The following EFHD1 variants were observed in gnomAD, a reference collection of about 807,000 sequenced individuals.
EFHD1 encodes EF-hand domain-containing protein D1.
In EFHD1, 10 loss-of-function variants were observed where a neutral mutation model predicts 17.2. The observed-to-expected ratio is 0.58, with a 90% CI of 0.36 to 0.99. EFHD1 has a LOEUF of 0.99. Ranked by LOEUF, EFHD1 falls within the 50% of genes least tolerant of loss-of-function variation. EFHD1 has a pLI of 0.01. For synonymous variants in EFHD1, 153 were observed against 142.0 expected, an observed-to-expected ratio of 1.08 and a Z score of -0.55; for missense variants, 310 against 327.5, an observed-to-expected ratio of 0.95 and a Z score of 0.41.
chr2:232,674,945 C>T (rs564374151), intron 3 of EFHD1, among the ~76,000 whole-genome samples: 3 of 151,960 alleles, frequency 2.0e-5, no homozygotes, highest in African/African-American at 4.8e-5. Flanking sequence ...GTGACATGGC[C>T]GGAGGTGAAA....
At chr2:232,649,316 A>C (rs982037107) in intron 1 of EFHD1, among the ~76,000 whole-genome samples, 1 of 152,164 alleles carries the variant, frequency 6.6e-6, no homozygotes. Context: ...AGCGGCCCAC[A>C]CAGTCACGCC....
intron 1 of EFHD1, among the ~76,000 whole-genome samples, chr2:232,627,014 G>C (rs201382155): frequency 8.6e-5 from 6 of 69,784 alleles, no homozygotes; most frequent in African/African-American, 1.0e-4. Context: ...GTGAGATCCT[G>C]TCTCTCTCTC....
chr2:232,606,238 TTTTTACTCTGG>T (rs1693709257), intron 1 of EFHD1: 1 of 1,524,944 alleles, frequency 6.6e-7, no homozygotes, highest in South Asian at 1.2e-5. Flanking sequence ...TTCCAGGCGA[TTTTTACTCTGG>T]TCCAGAATAG....
chr2:232,660,477 G>A (rs1197059818), intron 1 of EFHD1, among the ~76,000 whole-genome samples: 2 of 151,952 alleles, frequency 1.3e-5, no homozygotes, highest in Non-Finnish European at 2.9e-5. Flanking sequence ...TGGGATTACA[G>A]GTGTGAGCCA....
At chr2:232,618,456 C>T (rs1429468603) in intron 1 of EFHD1, among the ~76,000 whole-genome samples, 2 of 152,126 alleles carry the variant, frequency 1.3e-5, no homozygotes, top group Non-Finnish European at 2.9e-5. Context: ...GGTGTGGTGG[C>T]GTGCGCCTAT....
chr2:232,638,968 G>C (rs113305302), intron 1 of EFHD1, among the ~76,000 whole-genome samples: 2 of 152,152 alleles, frequency 1.3e-5, no homozygotes, highest in African/African-American at 2.4e-5. Flanking sequence ...TTAGTTTCTG[G>C]CAGAAAGACC....
At chr2:232,641,978 G>A (rs1694440496) in intron 1 of EFHD1, among the ~76,000 whole-genome samples, 1 of 152,292 alleles carries the variant, frequency 6.6e-6, no homozygotes, top group Admixed American at 6.5e-5. Context: ...CGCAGCTGGC[G>A]CTCACAGCTG....
chr2:232,646,431 C>T (rs1237049922), intron 1 of EFHD1, among the ~76,000 whole-genome samples: 4 of 137,346 alleles, frequency 2.9e-5, no homozygotes, highest in Admixed American at 7.7e-5. Context: ...CTCTTCTCTT[C>T]TCTTCTTTTT....
intron 1 of EFHD1, 50 bp downstream of exon 1, chr2:232,634,056 G>C: frequency 1.3e-6 from 2 of 1,590,540 alleles, no homozygotes; most frequent in Non-Finnish European, 1.7e-6. Context: ...GAGGGAGCGG[G>C]AGGGCTTTCT....
At chr2:232,613,425 A>G (rs1173909728) in intron 1 of EFHD1, among the ~76,000 whole-genome samples, 2 of 152,144 alleles carry the variant, frequency 1.3e-5, no homozygotes, top group African/African-American at 4.8e-5. Context: ...CTCTGTCTCA[A>G]GAAAGAAGCA....
At chr2:232,639,960 A>G (rs1440412633) in intron 1 of EFHD1, among the ~76,000 whole-genome samples, 2 of 151,990 alleles carry the variant, frequency 1.3e-5, no homozygotes, top group Non-Finnish European at 2.9e-5. Flanking sequence ...ACCTGTCGTG[A>G]CTCACCACAC....
At chr2:232,672,236 G>A in intron 2 of EFHD1, 73 bp from the exon 3 acceptor site, 2 of 1,600,220 alleles carry the variant, frequency 1.2e-6, no homozygotes, top group South Asian at 1.1e-5. Context: ...AGTGACTTCA[G>A]CTTGGACCAG....
chr2:232,645,594 G>T (rs1694513113), intron 1 of EFHD1, among the ~76,000 whole-genome samples: 1 of 152,196 alleles, frequency 6.6e-6, no homozygotes, highest in Non-Finnish European at 1.5e-5. Context: ...TGGTGACAAG[G>T]TCTCTGCCTC....
intron 1 of EFHD1, among the ~76,000 whole-genome samples, chr2:232,610,315 G>T (rs2106180533): frequency 6.6e-6 from 1 of 152,360 alleles, no homozygotes; most frequent in East Asian, 1.9e-4. Flanking sequence ...CCTATCTGGG[G>T]AGTAGGGGCA....
At chr2:232,606,290 G>GTA in intron 1 of EFHD1, 1 of 1,266,356 alleles carries the variant, frequency 7.9e-7, no homozygotes, top group Non-Finnish European at 1.1e-6. Context: ...TTCGCCACCG[G>GTA]AGGGCACTCC....
intron 1 of EFHD1, among the ~76,000 whole-genome samples, chr2:232,614,099 A>G (rs1033950463): frequency 2.6e-5 from 2 of 75,498 alleles, no homozygotes. Context: ...ACACACATAC[A>G]CATGTATTAT....
intron 1 of EFHD1, among the ~76,000 whole-genome samples, chr2:232,647,065 C>T (rs143725714): frequency 6.6e-6 from 1 of 152,384 alleles, no homozygotes; most frequent in African/African-American, 2.4e-5. Context: ...CACGGGCACA[C>T]ACCTGTAAGT....
At chr2:232,639,131 C>T (rs756801044) in intron 1 of EFHD1, among the ~76,000 whole-genome samples, 1 of 152,132 alleles carries the variant, frequency 6.6e-6, no homozygotes, top group Non-Finnish European at 1.5e-5. Flanking sequence ...CCTCCTCATT[C>T]CTCGCTCCAC....
intron 1 of EFHD1, among the ~76,000 whole-genome samples, chr2:232,635,361 C>T (rs1694298661): frequency 6.6e-6 from 1 of 152,102 alleles, no homozygotes; most frequent in Non-Finnish European, 1.5e-5. Flanking sequence ...TTCAAGTTTT[C>T]TTGTGGCCAC....
Sources: allele counts gnomAD v4.1 joint callset (sites outside exome capture counted in the v4.1 genomes callset), GRCh38; gene constraint gnomAD v4.1.1; transcripts MANE v1.5; gene names NCBI Gene and HGNC (gene_info 2026-07-23, HGNC 2026-07-21).